Variants in MFHAS1 observed in about 807,000 individuals in gnomAD.
MFHAS1 encodes malignant fibrous histiocytoma-amplified sequence 1.
MFHAS1 carries 50 observed loss-of-function variants against 70.4 expected under a neutral mutation model. That is an observed-to-expected ratio of 0.71 (90% CI 0.57 to 0.90). The LOEUF (loss-of-function observed/expected upper bound fraction) is 0.90. Ranked by LOEUF, MFHAS1 falls within the 40% of genes least tolerant of loss-of-function variation. The pLI is 0.00. For synonymous variants in MFHAS1, 952 were observed against 620.0 expected (o/e 1.54, Z -7.96); for missense variants, 1,795 against 1,347.6 (o/e 1.33, Z -5.20).
intron 1 of MFHAS1, among the ~76,000 whole-genome samples, chr8:8,849,064 C>CTTTTTTTTTTTTTTTTTTTTT (rs145250762): frequency 2.6e-5 from 2 of 75,772 alleles, no homozygotes; most frequent in African/African-American, 9.6e-5. Context: ...TCCTTTTTAC[C>CTTTTTTTTTTTTTTTTTTTTT]TTTTTTTTTT....
In MFHAS1 at chr8:8,849,065, T is replaced by A. The variant is rs972014725; in HGVS notation, c.2998+40996A>T. Among the ~76,000 whole-genome samples the A allele has an allele frequency of 3.2e-4, 3 of 9,462 alleles. No homozygotes were observed. The South Asian group carries it at 0.022, about 71-fold the overall frequency. The allele number at this position is 9,462 out of a possible 152,430, so 6.2% of individuals were successfully genotyped here. On this transcript the variant is annotated intron_variant, in intron 1 of 2. Coordinates refer to ENST00000276282, the MANE Select transcript of MFHAS1 (RefSeq NM_004225.3). ...CTGCAGCAATTAATTCCTTTTTACC[T>A]TTTTTTTTTTTTTTTTTTTTTTTTT... is the stretch of plus-strand genomic sequence containing the variant.
rs200300767 is a variant in MFHAS1, at chr8:8,797,524, G to A, written c.2999-33C>T. The A allele has an allele frequency of 2.6e-5, 42 of 1,597,584 alleles. No individual in the cohort carries two copies. The East Asian group carries it at 8.8e-4, about 33-fold the overall frequency. On this transcript the variant is annotated intron_variant, in intron 1 of 2. Coordinates refer to ENST00000276282, the MANE Select transcript of MFHAS1 (RefSeq NM_004225.3). ...AGGAGAGAGAAAAACGTGTTAGGGA[G>A]ATGTGCACTAAAAATGGGCTCATTT...
chr8:8,796,492 G>A (rs1207763787), intron 2 of MFHAS1, among the ~76,000 whole-genome samples: 1 of 151,308 alleles, frequency 6.6e-6, no homozygotes, highest in African/African-American at 2.4e-5. Flanking sequence ...GATCATCCTG[G>A]CTAACAGGGT....
chr8:8,808,241 C>T (rs972569563), intron 1 of MFHAS1, among the ~76,000 whole-genome samples: 1 of 151,064 alleles, frequency 6.6e-6, no homozygotes, highest in Non-Finnish European at 1.5e-5. Context: ...CTCCTCTGCC[C>T]AGTGTCCCCA....
chr8:8,873,627 A>G (rs918480299), intron 1 of MFHAS1, among the ~76,000 whole-genome samples: 8 of 152,124 alleles, frequency 5.3e-5, no homozygotes, highest in African/African-American at 1.9e-4. Context: ...TCCAAGAAAC[A>G]TTTCCTGTGC....
At chr8:8,829,732 G>T (rs1345673931) in intron 1 of MFHAS1, among the ~76,000 whole-genome samples, 3 of 152,198 alleles carry the variant, frequency 2.0e-5, no homozygotes, top group Admixed American at 6.5e-5. Context: ...ATTGCGTGGG[G>T]TATCCTCAGT....
In MFHAS1 at chr8:8,796,693, A is replaced by C. The variant is rs1458550992; in HGVS notation, c.3125+672T>G. ...AGCAAGACTCCGTCTCAAAACAAAAAAAAAAAAAAAGGCAAAAAAAGGCCG... is the reference window on the plus strand; with the variant it reads ...AGCAAGACTCCGTCTCAAAACAAAACAAAAAAAAAAGGCAAAAAAAGGCCG... On this transcript the variant is annotated intron_variant, in intron 2 of 2. Transcript: ENST00000276282. Among the ~76,000 whole-genome samples the C allele has an allele frequency of 2.0e-4, 24 of 117,272 alleles. 2 individuals carry two copies. Among genetic ancestry groups the C allele is most frequent in the African/African-American group, 6.3e-4 (19 of 30,266 alleles). The allele number at this position is 117,272 out of a possible 152,430, so 76.9% of individuals were successfully genotyped here. A position where few individuals can be genotyped will look rare whatever the true frequency, so the allele number is the denominator to read the frequency against.
intron 1 of MFHAS1, among the ~76,000 whole-genome samples, chr8:8,829,585 G>A (rs571221840): frequency 2.4e-4 from 36 of 152,220 alleles, no homozygotes; most frequent in Non-Finnish European, 4.7e-4. Flanking sequence ...GGAGGCTGAG[G>A]CAGGAGAATC....
intron 1 of MFHAS1, among the ~76,000 whole-genome samples, chr8:8,808,971 C>A (rs1308548993): frequency 6.6e-6 from 1 of 152,120 alleles, no homozygotes; most frequent in South Asian, 2.1e-4. Flanking sequence ...TACAGCCACT[C>A]CCCATTGCTC....
At chr8:8,790,509 C>G (rs1229353271) in intron 2 of MFHAS1, 14 of 363,866 alleles carry the variant, frequency 3.8e-5, no homozygotes, top group Non-Finnish European at 5.0e-5. Context: ...CACAATTCCT[C>G]CTAGCTTGTT....
intron 2 of MFHAS1, among the ~76,000 whole-genome samples, chr8:8,795,140 T>A (rs1358525715): frequency 6.6e-6 from 1 of 152,188 alleles, no homozygotes; most frequent in African/African-American, 2.4e-5. Flanking sequence ...GAATTTTTGT[T>A]TCCTCTGTTT....
intron 2 of MFHAS1, among the ~76,000 whole-genome samples, chr8:8,794,062 C>T (rs971999678): frequency 2.6e-5 from 4 of 152,102 alleles, no homozygotes; most frequent in East Asian, 1.9e-4. Context: ...TGGTTGTGTG[C>T]GCCTGTAGTC....
chr8:8,819,449 C>CA (rs1806864624), intron 1 of MFHAS1, among the ~76,000 whole-genome samples: 1 of 151,734 alleles, frequency 6.6e-6, no homozygotes, highest in African/African-American at 2.4e-5. Flanking sequence ...ACTAAAAACA[C>CA]AAAAAATTAG....
At chr8:8,865,437 G>C (rs332038) in intron 1 of MFHAS1, among the ~76,000 whole-genome samples, 5,105 of 152,138 alleles carry the variant, frequency 0.034, 301 homozygotes, top group African/African-American at 0.12. Context: ...TGGGAAAAGA[G>C]ACACAAGGTA....
At chr8:8,889,938 C>G (rs1809922319) in intron 1 of MFHAS1, 123 bp downstream of exon 1, 1 of 791,198 alleles carries the variant, frequency 1.3e-6, no homozygotes, top group South Asian at 1.9e-5. Context: ...CTGTGTTTCC[C>G]TTACGAAGCT....
chr8:8,807,407 C>A (rs1249166668), intron 1 of MFHAS1, among the ~76,000 whole-genome samples: 2 of 152,128 alleles, frequency 1.3e-5, no homozygotes, highest in Non-Finnish European at 2.9e-5. Context: ...CTCCCTAATC[C>A]TCACTTACTG....
intron 1 of MFHAS1, among the ~76,000 whole-genome samples, chr8:8,884,041 A>AACACACACAC (rs10660555): frequency 3.0e-5 from 4 of 134,176 alleles, no homozygotes; most frequent in South Asian, 5.2e-4. Flanking sequence ...CTATTTCACA[A>AACACACACAC]ACACACACAC....
chr8:8,844,404 C>G (rs865922392), intron 1 of MFHAS1, among the ~76,000 whole-genome samples: 1 of 152,200 alleles, frequency 6.6e-6, no homozygotes, highest in Non-Finnish European at 1.5e-5. Context: ...AAACATGACT[C>G]TATTCACACT....
intron 1 of MFHAS1, among the ~76,000 whole-genome samples, chr8:8,883,073 GA>G (rs1253661472): frequency 1.3e-5 from 2 of 151,920 alleles, no homozygotes; most frequent in African/African-American, 4.8e-5. Context: ...GGATCACTTG[GA>G]CCCAGGAGGT....
Sources: gnomAD v4.1 joint callset for allele counts (sites outside exome capture counted in the v4.1 genomes callset) on GRCh38, gnomAD v4.1.1 for gene constraint, MANE v1.5 for transcripts, NCBI Gene and HGNC (gene_info 2026-07-23, HGNC 2026-07-21) for gene names.